TLK2: variants seen among roughly 807,000 people sequenced by gnomAD.
TLK2 encodes serine/threonine-protein kinase tousled-like 2.
A neutral mutation model predicts 117.3 loss-of-function variants in TLK2; 6 were observed. The observed-to-expected ratio is 0.05, with a 90% CI of 0.03 to 0.10. The LOEUF is 0.10. Ranked by LOEUF, TLK2 falls within the 10% of genes least tolerant of loss-of-function variation. The pLI, the probability that TLK2 is intolerant of heterozygous loss-of-function variation, is 1.00. For synonymous variants in TLK2, 257 were observed against 316.7 expected (o/e 0.81, Z 2.00); for missense variants, 299 against 901.2 (o/e 0.33, Z 8.56).
At position 62,510,967 on chromosome 17, in the gene TLK2, C is replaced by T. The variant is rs533288264; in HGVS notation, c.82-9806C>T. On this transcript the variant is annotated intron_variant, in intron 2 of 21. Coordinates refer to ENST00000346027, the MANE Select transcript of TLK2 (RefSeq NM_006852.6). ...AAAACCCCAAAAACTTTAGAAAAAT[C>T]TTTTTTATTTCAGAGTAATTAGAGA... Among the ~76,000 whole-genome samples the T allele has an allele frequency of 5.7e-3, 870 of 152,172 alleles. 8 individuals are homozygous for T. The highest frequency in any genetic ancestry group is 0.02 in the African/African-American group (829 of 41,490).
chr17:62,510,657 A>T (rs2075072666), intron 2 of TLK2, among the ~76,000 whole-genome samples: 1 of 152,186 alleles, frequency 6.6e-6, no homozygotes, highest in African/African-American at 2.4e-5. Context: ...CTCATATTGT[A>T]GTCCCTCTGT....
chr17:62,557,968 G>A (rs2078981569), intron 9 of TLK2, among the ~76,000 whole-genome samples: 1 of 152,074 alleles, frequency 6.6e-6, no homozygotes, highest in Non-Finnish European at 1.5e-5. Flanking sequence ...AAATAAAAAA[G>A]GAAGACACAG....
At chr17:62,565,776 T>G (rs1432500344) in intron 11 of TLK2, among the ~76,000 whole-genome samples, 1 of 152,166 alleles carries the variant, frequency 6.6e-6, no homozygotes, top group East Asian at 1.9e-4. Flanking sequence ...GAATTTTCAT[T>G]AAGAGTCTAT....
rs1253649295 is a variant in TLK2, at chr17:62,600,804, C to A, written c.1704C>A (p.His568Gln). 6.2e-7 allele frequency: 1 copy of A among 1,609,938 alleles called. No homozygotes were observed. Among genetic ancestry groups the A allele is most frequent in the African/African-American group, 1.3e-5 (1 of 74,748 alleles). ...ATGAAATAAAACCTCCCATCATACA[C>A]TATGACCTCAAACCAGGTATGTCTA... ...YLNEIKPPII[H>Q]YDLKPGNILL... Residue 568 changes from histidine (H) to glutamine (Q), a missense_variant, in exon 18 of 22, where the codon CAC becomes CAA. By Grantham distance (24) the His-to-Gln change is conservative. This residue lies in a region of TLK2 where 81 missense variants were observed against 370.9 expected (regional missense o/e 0.22). Transcript: ENST00000346027.
At chr17:62,518,765 G>A (rs1365609425) in intron 2 of TLK2, among the ~76,000 whole-genome samples, 1 of 151,954 alleles carries the variant, frequency 6.6e-6, no homozygotes, top group Non-Finnish European at 1.5e-5. Context: ...ATTCAGTAAA[G>A]TGACTGGCTA....
chr17:62,473,013 A>G (rs1225318121), intron 1 of TLK2, among the ~76,000 whole-genome samples: 1 of 152,170 alleles, frequency 6.6e-6, no homozygotes, highest in African/African-American at 2.4e-5. Context: ...CAAAAAAATA[A>G]CAAACAGCCA....
intron 2 of TLK2, among the ~76,000 whole-genome samples, chr17:62,489,437 A>G (rs774561894): frequency 6.6e-6 from 1 of 151,902 alleles, no homozygotes; most frequent in Non-Finnish European, 1.5e-5. Flanking sequence ...TCGAACTCCT[A>G]ACCTCAGGCG....
intron 2 of TLK2, among the ~76,000 whole-genome samples, chr17:62,484,093 A>T (rs1204210584): frequency 6.6e-6 from 1 of 151,998 alleles, no homozygotes; most frequent in East Asian, 1.9e-4. Context: ...AAGTGCTGGG[A>T]TTATAGGTGT....
At chr17:62,476,959 G>C (rs550039366), upstream of TLK2, among the ~76,000 whole-genome samples, 110 of 151,828 alleles carry the variant, frequency 7.2e-4, no homozygotes, top group Admixed American at 1.4e-3. Context: ...GCCTGGTAGC[G>C]CGTGCCTGTA....
chr17:62,499,150 G>GGTCTT (rs1298327221), intron 2 of TLK2, among the ~76,000 whole-genome samples: 1 of 151,966 alleles, frequency 6.6e-6, no homozygotes, highest in African/African-American at 2.4e-5. Flanking sequence ...AGACCAGCCT[G>GGTCTT]GCGACCACGG....
intron 1 of TLK2, among the ~76,000 whole-genome samples, chr17:62,473,527 T>A (rs2070981062): frequency 6.6e-6 from 1 of 152,188 alleles, no homozygotes; most frequent in African/African-American, 2.4e-5. Flanking sequence ...CAGACCATCA[T>A]CAACCAGCCT....
intron 11 of TLK2, among the ~76,000 whole-genome samples, chr17:62,572,417 GT>G (rs759144153): frequency 0.032 from 4,610 of 142,086 alleles, 109 homozygotes; most frequent in Non-Finnish European, 0.049. Flanking sequence ...GAGAGAAAGT[GT>G]TTTTTTTTTT....
chr17:62,471,860 C>T (rs910954816), intron 1 of TLK2, among the ~76,000 whole-genome samples: 23 of 125,220 alleles, frequency 1.8e-4, no homozygotes, highest in South Asian at 1.6e-3. Context: ...GTGGAAAGAG[C>T]GAGGCATGGA....
chr17:62,535,950 TA>T (rs2077084548), intron 6 of TLK2, among the ~76,000 whole-genome samples: 1 of 152,120 alleles, frequency 6.6e-6, no homozygotes, highest in Non-Finnish European at 1.5e-5. Context: ...ATAGAACCAT[TA>T]AAATATAATG....
intron 20 of TLK2, among the ~76,000 whole-genome samples, chr17:62,607,675 A>C (rs917107064): frequency 6.6e-6 from 1 of 151,982 alleles, no homozygotes; most frequent in African/African-American, 2.4e-5. Context: ...GGCCTGAGGC[A>C]CAGGTGTGTA....
At chr17:62,535,594 C>T (rs1326583530) in intron 6 of TLK2, among the ~76,000 whole-genome samples, 1 of 151,818 alleles carries the variant, frequency 6.6e-6, no homozygotes, top group African/African-American at 2.4e-5. Flanking sequence ...TGGTGAAACC[C>T]CGTCTCTACT....
At chr17:62,533,636 C>T (rs894815587) in intron 6 of TLK2, among the ~76,000 whole-genome samples, 31 of 151,850 alleles carry the variant, frequency 2.0e-4, no homozygotes, top group Admixed American at 3.9e-4. Context: ...GCCACCATGC[C>T]CAGCTAATTT....
At chr17:62,587,900 G>A (rs1275150785) in intron 16 of TLK2, among the ~76,000 whole-genome samples, 1 of 151,788 alleles carries the variant, frequency 6.6e-6, no homozygotes, top group Non-Finnish European at 1.5e-5. Context: ...TGTTGGACCA[G>A]TACATGCTTC....
At chr17:62,529,442 C>T (rs1395115665) in intron 6 of TLK2, among the ~76,000 whole-genome samples, 2 of 152,218 alleles carry the variant, frequency 1.3e-5, no homozygotes, top group East Asian at 3.9e-4. Context: ...CCATGTTGGC[C>T]AGGCTGGTCT....
Sources: allele counts gnomAD v4.1 joint callset (sites outside exome capture counted in the v4.1 genomes callset), GRCh38; gene constraint gnomAD v4.1.1; regional missense constraint gnomAD v4.1.1; transcripts MANE v1.5; gene names NCBI Gene and HGNC (gene_info 2026-07-23, HGNC 2026-07-21).